The following EPC2 variants were observed in gnomAD, a reference collection of about 807,000 sequenced individuals.
The protein encoded by EPC2 is enhancer of polycomb homolog 2.
Under a neutral mutation model 92.1 loss-of-function variants are expected in EPC2, and 14 were observed. That is an observed-to-expected ratio of 0.15 (90% CI 0.10 to 0.24). EPC2 has a LOEUF of 0.24. Ranked by LOEUF, EPC2 falls within the 10% of genes least tolerant of loss-of-function variation. The pLI, the probability that EPC2 is intolerant of heterozygous loss-of-function variation, is 1.00. For synonymous variants in EPC2, 340 were observed against 334.7 expected (o/e 1.02, Z -0.17); for missense variants, 755 against 971.5 (o/e 0.78, Z 2.96).
intron 1 of EPC2, among the ~76,000 whole-genome samples, chr2:148,674,901 T>C (rs1279840029): frequency 6.6e-6 from 1 of 152,236 alleles, no homozygotes; most frequent in Non-Finnish European, 1.5e-5. Flanking sequence ...TCATCCTCCA[T>C]CTTGCTCCCT....
intron 2 of EPC2, among the ~76,000 whole-genome samples, chr2:148,718,224 G>A (rs1305528611): frequency 1.3e-5 from 2 of 152,118 alleles, no homozygotes; most frequent in Admixed American, 1.3e-4. Context: ...TTTAATTGGG[G>A]CAGTTAGCCC....
At chr2:148,685,171 GTCATAAATTTA>G (rs1681488803) in intron 1 of EPC2, among the ~76,000 whole-genome samples, 1 of 151,768 alleles carries the variant, frequency 6.6e-6, no homozygotes, top group African/African-American at 2.4e-5. Flanking sequence ...ATACTATTTT[GTCATAAATTTA>G]TTAACTTTGT....
chr2:148,698,929 A>G (rs1317475850), intron 2 of EPC2, among the ~76,000 whole-genome samples: 2 of 149,600 alleles, frequency 1.3e-5, no homozygotes, highest in African/African-American at 4.9e-5. Context: ...GCATTTTTCC[A>G]TTGTAATCAA....
intron 7 of EPC2, among the ~76,000 whole-genome samples, chr2:148,765,736 C>A (rs1012673750): frequency 2.0e-5 from 3 of 152,110 alleles, no homozygotes; most frequent in Non-Finnish European, 4.4e-5. Context: ...AAGACTTTTA[C>A]TTTATATATT....
intron 2 of EPC2, among the ~76,000 whole-genome samples, chr2:148,742,842 A>G (rs770589340): frequency 3.3e-5 from 5 of 151,796 alleles, no homozygotes; most frequent in Non-Finnish European, 7.4e-5. Context: ...ATACCAATTC[A>G]CATCATTTGC....
intron 1 of EPC2, among the ~76,000 whole-genome samples, chr2:148,653,830 A>T (rs1324093226): frequency 6.6e-6 from 1 of 151,728 alleles, no homozygotes; most frequent in East Asian, 1.9e-4. Flanking sequence ...TTAGGTTCCA[A>T]TCCTGGCCTC....
chr2:148,697,295 A>C (rs1681766777), intron 2 of EPC2, among the ~76,000 whole-genome samples: 1 of 152,126 alleles, frequency 6.6e-6, no homozygotes, highest in Non-Finnish European at 1.5e-5. Context: ...GGTTGGTAAT[A>C]GAATCAGTAA....
rs559191957 is a variant in EPC2 at position 148,728,978 on chromosome 2, G to A, written c.314-14644G>A. Among the ~76,000 whole-genome samples, 4 of 142,144 alleles carry A rather than the reference G, an allele frequency of 2.8e-5. No individual in the cohort carries two copies. The East Asian group carries it at 6.1e-4, about 22-fold the overall frequency. The allele number at this position is 142,144 out of a possible 152,430, so 93.3% of individuals were successfully genotyped here. A position where few individuals can be genotyped will look rare whatever the true frequency, so the allele number is the denominator to read the frequency against. On this transcript the variant is annotated intron_variant, in intron 2 of 13. Coordinates refer to ENST00000258484, the MANE Select transcript of EPC2 (RefSeq NM_015630.4). ...ACCCGGGAGGCGGAGTTTGCAGTGA[G>A]GCAAGATCGCGCCACTGTACTCCAG...
At chr2:148,670,265 C>T (rs1681129557) in intron 1 of EPC2, among the ~76,000 whole-genome samples, 1 of 152,058 alleles carries the variant, frequency 6.6e-6, no homozygotes, top group African/African-American at 2.4e-5. Flanking sequence ...TCTTAAAACC[C>T]ATTGTTTTAT....
At chr2:148,785,726 A>G (rs980921186) in intron 13 of EPC2, among the ~76,000 whole-genome samples, 1 of 152,226 alleles carries the variant, frequency 6.6e-6, no homozygotes, top group Non-Finnish European at 1.5e-5. Flanking sequence ...CTTTAGCGTC[A>G]TACACAAAGG....
chr2:148,775,287 C>T (rs1412465097), intron 10 of EPC2, among the ~76,000 whole-genome samples: 3 of 151,956 alleles, frequency 2.0e-5, no homozygotes, highest in Admixed American at 6.6e-5. Flanking sequence ...CAATCCTTAC[C>T]TTCAAGGAAC....
At chr2:148,698,831 T>TTC (rs1290280503) in intron 2 of EPC2, among the ~76,000 whole-genome samples, 5 of 149,316 alleles carry the variant, frequency 3.3e-5, no homozygotes, top group Non-Finnish European at 7.4e-5. Flanking sequence ...TTTCTTCCCT[T>TTC]TTTTTTTTTT....
chr2:148,671,546 G>A (rs771839466), intron 1 of EPC2, among the ~76,000 whole-genome samples: 15 of 152,050 alleles, frequency 9.9e-5, no homozygotes, highest in Non-Finnish European at 2.1e-4. Context: ...CCTGGGAGGT[G>A]GGGGTTTCAG....
At chr2:148,735,649 C>T (rs1368181942) in intron 2 of EPC2, among the ~76,000 whole-genome samples, 1 of 151,690 alleles carries the variant, frequency 6.6e-6, no homozygotes, top group African/African-American at 2.4e-5. Flanking sequence ...TATAGCCATC[C>T]CAAAATTATT....
At chr2:148,703,046 A>C (rs893392293) in intron 2 of EPC2, among the ~76,000 whole-genome samples, 8 of 152,198 alleles carry the variant, frequency 5.3e-5, no homozygotes, top group African/African-American at 1.9e-4. Context: ...TACATGTGTT[A>C]AACACAGTCT....
intron 1 of EPC2, among the ~76,000 whole-genome samples, chr2:148,651,488 G>C (rs1395035391): frequency 6.6e-6 from 1 of 152,218 alleles, no homozygotes; most frequent in Non-Finnish European, 1.5e-5. Flanking sequence ...AAAAATAGGG[G>C]TGGAGATTAG....
At chr2:148,715,350 A>T (rs1682236945) in intron 2 of EPC2, among the ~76,000 whole-genome samples, 1 of 151,620 alleles carries the variant, frequency 6.6e-6, no homozygotes, top group Non-Finnish European at 1.5e-5. Context: ...GCGTTTTTAT[A>T]GTTTTGGGTT....
chr2:148,644,983 C>G lies in EPC2; in HGVS notation c.-35C>G. ...CCCCCCTCCCCGCCCGCCCCGCCGC[C>G]GCCGCCCGGGCTGTTCCTGTAAGGC... is the stretch of plus-strand genomic sequence containing the variant. On this transcript the variant is annotated 5_prime_UTR_variant, in exon 1 of 14. Coordinates refer to ENST00000258484, the MANE Select transcript of EPC2 (RefSeq NM_015630.4). 1 of 1,540,232 alleles carries G rather than the reference C, an allele frequency of 6.5e-7. No homozygotes were observed. The highest frequency in any genetic ancestry group is 2.5e-5 in the East Asian group (1 of 40,162).
Position 148,708,308 on chromosome 2 carries a change from G to T in EPC2, c.313+17935G>T, listed in dbSNP as rs142194339. On this transcript the variant is annotated intron_variant, in intron 2 of 13. Coordinates refer to ENST00000258484, the MANE Select transcript of EPC2 (RefSeq NM_015630.4). ...GACTAAACCAGGAAGAAGTTGAATCGCTGAATAGACCAATAACAGGCTCTG... is the reference window on the plus strand; with the variant it reads ...GACTAAACCAGGAAGAAGTTGAATCTCTGAATAGACCAATAACAGGCTCTG... Among the ~76,000 whole-genome samples the T allele has an allele frequency of 1.1e-3, 170 of 152,034 alleles. 3 individuals are homozygous for T. In the South Asian group the frequency reaches 0.031, roughly 28 times the overall value.
Sources: allele counts gnomAD v4.1 joint callset (sites outside exome capture counted in the v4.1 genomes callset), GRCh38; gene constraint gnomAD v4.1.1; transcripts MANE v1.5; gene names NCBI Gene and HGNC (gene_info 2026-07-23, HGNC 2026-07-21).